USP13: variants seen among roughly 807,000 people sequenced by gnomAD.
USP13 encodes ubiquitin carboxyl-terminal hydrolase 13.
In USP13, 68 loss-of-function variants were observed where a neutral mutation model predicts 107.8. The ratio of observed to expected loss-of-function variants is 0.63; its 90% CI spans 0.52 to 0.77. The LOEUF (loss-of-function observed/expected upper bound fraction) is 0.77. USP13 is among the 30% of genes least tolerant of loss of function. The pLI, the probability that USP13 is intolerant of heterozygous loss-of-function variation, is 0.00. For synonymous variants in USP13, 377 were observed against 389.5 expected (o/e 0.97, Z 0.38); for missense variants, 945 against 1,093.3 (o/e 0.86, Z 1.91).
chr3:179,706,168 C>T (rs1385579136), intron 4 of USP13, among the ~76,000 whole-genome samples: 1 of 152,156 alleles, frequency 6.6e-6, no homozygotes, highest in Non-Finnish European at 1.5e-5. Context: ...ATTTGATGAA[C>T]TACTGAACTG....
intron 11 of USP13, among the ~76,000 whole-genome samples, chr3:179,741,851 A>G (rs1328060293): frequency 6.6e-6 from 1 of 152,182 alleles, no homozygotes; most frequent in Non-Finnish European, 1.5e-5. Context: ...CATATTGTAC[A>G]TGTTTTTATG....
chr3:179,701,177 C>A, intron 4 of USP13, 48 bp downstream of exon 4: 2 of 1,259,562 alleles, frequency 1.6e-6, no homozygotes, highest in Admixed American at 2.6e-5. Context: ...GGCTCTGTGT[C>A]AGGTGTGTGT....
intron 1 of USP13, among the ~76,000 whole-genome samples, chr3:179,666,367 T>C (rs1267954131): frequency 3.3e-5 from 5 of 152,226 alleles, no homozygotes; most frequent in Non-Finnish European, 5.9e-5. Context: ...CCATTGAGTG[T>C]CCAGCCTGTT....
intron 2 of USP13, among the ~76,000 whole-genome samples, chr3:179,687,991 G>C (rs1478819880): frequency 6.6e-6 from 1 of 152,016 alleles, no homozygotes; most frequent in African/African-American, 2.4e-5. Flanking sequence ...GTGATTTTAT[G>C]CTTTTGTGTA....
intron 1 of USP13, among the ~76,000 whole-genome samples, chr3:179,657,242 G>C (rs2108428339): frequency 6.6e-6 from 1 of 152,284 alleles, no homozygotes; most frequent in African/African-American, 2.4e-5. Flanking sequence ...AAAGGCCGGG[G>C]CGCGGTGGCT....
At chr3:179,760,271 C>T (rs540447749) in intron 16 of USP13, among the ~76,000 whole-genome samples, 49 of 150,106 alleles carry the variant, frequency 3.3e-4, no homozygotes, top group African/African-American at 1.1e-3. Flanking sequence ...TTTGTAAAGC[C>T]GTCTCTTAAT....
At chr3:179,755,440 G>A (rs1258369649) in intron 15 of USP13, among the ~76,000 whole-genome samples, 1 of 152,028 alleles carries the variant, frequency 6.6e-6, no homozygotes, top group Non-Finnish European at 1.5e-5. Context: ...GACTACAGGC[G>A]CGTGCCACCA....
rs920074477 is a variant in USP13, at chr3:179,785,443, A to T, written c.*1302A>T. 2 of 152,216 alleles carry T rather than the reference A, an allele frequency of 1.3e-5. No individual in the cohort carries two copies. The highest frequency in any genetic ancestry group is 2.4e-5 in the African/African-American group (1 of 41,468). 9.4% of individuals were successfully genotyped at this position (152,216 alleles called of 1,614,324 possible). ...ACCTGGGATTAGATTAGAGTTTCCA[A>T]CGTGATGAAAAGTGGAATGATAGCA... is the stretch of plus-strand genomic sequence containing the variant. On this transcript the variant is annotated 3_prime_UTR_variant, in exon 21 of 21. Coordinates refer to ENST00000263966, the MANE Select transcript of USP13 (RefSeq NM_003940.3).
intron 1 of USP13, 71 bp from the exon 2 acceptor site, chr3:179,681,807 C>G: frequency 6.5e-7 from 1 of 1,528,928 alleles, no homozygotes. Flanking sequence ...CCTTCCTTCC[C>G]TTTCCCTCTT....
At chr3:179,735,753 C>A (rs186144103) in intron 10 of USP13, among the ~76,000 whole-genome samples, 54 of 152,248 alleles carry the variant, frequency 3.5e-4, no homozygotes, top group Admixed American at 2.9e-3. Context: ...AAGTGTCCAG[C>A]CAGGTGTGGT....
rs1271338827 is a variant in USP13 at position 179,744,923 on chromosome 3, G to A, written c.1535-120G>A. On this transcript the variant is annotated intron_variant, in intron 12 of 20. Coordinates refer to ENST00000263966, the MANE Select transcript of USP13 (RefSeq NM_003940.3). ...AGGGGCATCTGGCTCTGTAAAGGGC[G>A]ACAAATAAGCAACTCTGGCCCAGCG... 7 of 1,273,600 alleles carry A rather than the reference G, an allele frequency of 5.5e-6. No homozygotes were observed. The East Asian group carries it at 9.6e-5, about 18-fold the overall frequency. 78.9% of individuals were successfully genotyped at this position (1,273,600 alleles called of 1,614,324 possible).
chr3:179,690,240 G>A lies in USP13; in HGVS notation c.295-1G>A, dbSNP rs1443622212. On this transcript the variant is annotated splice_acceptor_variant, in intron 2 of 20. Coordinates refer to ENST00000263966, the MANE Select transcript of USP13 (RefSeq NM_003940.3). LOFTEE classifies it high-confidence loss of function. ...TTAATGATCTTTTGTTTTCTTTTCA[G>A]AAGGTAAGAGGGGCGTCTGGTGGAG... 1 of 1,612,256 alleles carries A rather than the reference G, an allele frequency of 6.2e-7. No homozygotes were observed. Among genetic ancestry groups the A allele is most frequent in the Non-Finnish European group, 8.5e-7 (1 of 1,179,486 alleles).
intron 18 of USP13, 68 bp from the exon 19 acceptor site, chr3:179,765,627 T>C: frequency 1.3e-6 from 2 of 1,532,646 alleles, no homozygotes; most frequent in South Asian, 2.5e-5. Context: ...CTAGTTGAAA[T>C]GGTCAGGACA....
chr3:179,745,016 A>G (rs1280773952), intron 12 of USP13, 27 bp from the exon 13 acceptor site: 9 of 1,613,244 alleles, frequency 5.6e-6, no homozygotes, highest in Non-Finnish European at 7.6e-6. Flanking sequence ...AGCGATTGCA[A>G]GGTCTTTGAT....
chr3:179,658,859 C>T (rs1396810567), intron 1 of USP13, among the ~76,000 whole-genome samples: 1 of 152,186 alleles, frequency 6.6e-6, no homozygotes, highest in Non-Finnish European at 1.5e-5. Flanking sequence ...TTTTGACAAG[C>T]TGAGCAGGAC....
chr3:179,678,478 A>ATTT lies in USP13; in HGVS notation c.169-3390_169-3388dup, dbSNP rs11402001. On this transcript the variant is annotated intron_variant, in intron 1 of 20. Transcript: ENST00000263966. The surrounding 1 kb of genome is among the most constrained non-coding windows in gnomAD (Gnocchi z 4.2). ...ATAATTATAAGCTTTTTTGGATGCT[A>ATTT]TTTTTTTTTTTTGAGACAGGGTCTC... Among the ~76,000 whole-genome samples the ATTT allele has an allele frequency of 9.5e-5, 14 of 147,848 alleles. No homozygotes were observed. Among genetic ancestry groups the ATTT allele is most frequent in the African/African-American group, 2.0e-4 (8 of 40,450 alleles).
chr3:179,728,437 A>T (rs1393894167), intron 8 of USP13, among the ~76,000 whole-genome samples: 4 of 147,760 alleles, frequency 2.7e-5, no homozygotes, highest in South Asian at 2.2e-4. Context: ...GGCCGGGAAG[A>T]GGCGCTCCTC....
chr3:179,750,326 G>GTATATATATATATATACATA (rs1714563112), intron 13 of USP13, among the ~76,000 whole-genome samples: 1 of 75,828 alleles, frequency 1.3e-5, no homozygotes, highest in African/African-American at 3.9e-5. Context: ...ATATATGTGT[G>GTATATATATATATATACATA]TATATATATA....
intron 13 of USP13, among the ~76,000 whole-genome samples, chr3:179,745,492 G>GCCTT (rs35031347): frequency 0.16 from 24,214 of 150,062 alleles, 2,294 homozygotes; most frequent in African/African-American, 0.27. Context: ...TCTATTAGGA[G>GCCTT]CCTTCCTTCC....
Sources: gnomAD v4.1 joint callset for allele counts (sites outside exome capture counted in the v4.1 genomes callset) on GRCh38, gnomAD v4.1.1 for gene constraint, Gnocchi (gnomAD v3.1) non-coding constraint, MANE v1.5 for transcripts, NCBI Gene and HGNC (gene_info 2026-07-23, HGNC 2026-07-21) for gene names.